The following INTS1 variants were observed in gnomAD, a reference collection of about 807,000 sequenced individuals.
INTS1 encodes the protein integrator complex subunit 1.
INTS1 carries 137 observed loss-of-function variants against 241.6 expected under a neutral mutation model. The ratio of observed to expected loss-of-function variants is 0.57; its 90% CI spans 0.49 to 0.65. INTS1 has a LOEUF of 0.65. Among genes scored for constraint, INTS1 ranks in the 30% least tolerant of loss-of-function variants. INTS1 has a pLI of 0.00. For missense variants in INTS1, 3,073 were observed against 3,032.2 expected, an observed-to-expected ratio of 1.01 and a Z score of -0.32; for synonymous variants, 1,692 against 1,337.8, an observed-to-expected ratio of 1.26 and a Z score of -5.78.
intron 26 of INTS1, 128 bp from the exon 27 acceptor site, chr7:1,482,835 C>T: frequency 1.8e-6 from 2 of 1,123,542 alleles, no homozygotes; most frequent in South Asian, 3.0e-5. Context: ...GAGCACGGGG[C>T]TCCTGTGCTA....
At chr7:1,479,717 C>T (rs1036660202) in intron 30 of INTS1, 33 bp from the exon 31 acceptor site, 30 of 1,444,824 alleles carry the variant, frequency 2.1e-5, no homozygotes, top group African/African-American at 5.8e-5. Context: ...CAGGAGGAAG[C>T]GGAGGAGAAG....
chr7:1,492,151 G>T (rs1462779846), intron 16 of INTS1, among the ~76,000 whole-genome samples: 1 of 152,180 alleles, frequency 6.6e-6, no homozygotes, highest in Non-Finnish European at 1.5e-5. Context: ...GAGAACCGAA[G>T]ACACGGCCAC....
At chr7:1,502,152 T>C (rs1185465311) in intron 3 of INTS1, among the ~76,000 whole-genome samples, 1 of 152,122 alleles carries the variant, frequency 6.6e-6, no homozygotes, top group Non-Finnish European at 1.5e-5. Context: ...GACACCTCAC[T>C]ACCAAAGTCA....
chr7:1,497,749 G>A lies in INTS1; in HGVS notation c.1426-435C>T, dbSNP rs927354125. Among the ~76,000 whole-genome samples, 5 of 152,248 alleles carry A rather than the reference G, an allele frequency of 3.3e-5. No homozygotes were observed. The highest frequency in any genetic ancestry group is 1.2e-4 in the African/African-American group (5 of 41,468). Reference sequence around the variant, plus strand: ...GCGAAGACTGAACGCGGAGCTGAGAGCGGCTGTGCCTCCCTCGTGTTTCAC... The same window carrying A: ...GCGAAGACTGAACGCGGAGCTGAGAACGGCTGTGCCTCCCTCGTGTTTCAC... On this transcript the variant is annotated intron_variant, in intron 10 of 47. Transcript: ENST00000404767. The surrounding 1 kb of genome is among the most constrained non-coding windows in gnomAD (Gnocchi z 5.3).
chr7:1,479,807 C>T (rs984131205), intron 30 of INTS1, 123 bp from the exon 31 acceptor site: 41 of 1,105,128 alleles, frequency 3.7e-5, no homozygotes, highest in African/African-American at 1.1e-4. Context: ...CCTGTTCATT[C>T]GTAGCCCCCA....
chr7:1,478,100 G>A (rs1352891467), intron 33 of INTS1, among the ~76,000 whole-genome samples, 164 bp from the exon 34 acceptor site: 1 of 148,126 alleles, frequency 6.8e-6, no homozygotes, highest in Admixed American at 6.8e-5. Flanking sequence ...CCGGAGAGGA[G>A]AGTGCGGCCG....
intron 35 of INTS1, among the ~76,000 whole-genome samples, chr7:1,477,228 C>G (rs534380087): frequency 2.0e-5 from 3 of 152,348 alleles, no homozygotes; most frequent in East Asian, 3.9e-4. Flanking sequence ...TGGCCACAGC[C>G]CCATTCCCTT....
intron 35 of INTS1, among the ~76,000 whole-genome samples, chr7:1,477,254 C>T (rs1420115021): frequency 6.6e-6 from 1 of 152,208 alleles, no homozygotes; most frequent in Non-Finnish European, 1.5e-5. Flanking sequence ...AGATGGAGGC[C>T]CCTACATGAT....
intron 2 of INTS1, 44 bp downstream of exon 2, chr7:1,503,859 A>ACCCCCAAAGACCCCCAAAGT: frequency 7.3e-7 from 1 of 1,367,492 alleles, no homozygotes; most frequent in African/African-American, 1.5e-5. Context: ...ACCCCCAAAG[A>ACCCCCAAAGACCCCCAAAGT]CCCCCAAAGA....
intron 3 of INTS1, 22 bp from the exon 4 acceptor site, chr7:1,500,388 G>A (rs1783111354): frequency 2.6e-6 from 4 of 1,533,830 alleles, no homozygotes; most frequent in Non-Finnish European, 3.5e-6. Flanking sequence ...AGGCGGTACG[G>A]TCAGAACGGG....
chr7:1,504,124 C>T (rs1783346706), intron 1 of INTS1, 123 bp from the exon 2 acceptor site: 3 of 579,698 alleles, frequency 5.2e-6, no homozygotes, highest in Non-Finnish European at 5.9e-6. Context: ...GCCCGCCCGG[C>T]GGGGCGATGC....
At position 1,493,921 on chromosome 7, in the gene INTS1, G is replaced by C. The variant is rs535790665; in HGVS notation, c.1911-10C>G. On this transcript the variant is annotated splice_polypyrimidine_tract_variant and intron_variant, in intron 14 of 47. Transcript: ENST00000404767. The surrounding 1 kb of genome is among the most constrained non-coding windows in gnomAD (Gnocchi z 5.3). ...CAGACGCAGGAAGAAGCTGCGGGGT[G>C]GGGGAGGCATGACTCGGTGTGGGCT... The C allele has an allele frequency of 2.6e-6, 4 of 1,552,570 alleles. No individual in the cohort carries two copies. The highest frequency in any genetic ancestry group is 2.6e-6 in the Non-Finnish European group (3 of 1,147,578).
chr7:1,491,321 G>A (rs971704189), intron 16 of INTS1, among the ~76,000 whole-genome samples: 1 of 152,224 alleles, frequency 6.6e-6, no homozygotes, highest in African/African-American at 2.4e-5. Flanking sequence ...CTTCCGACAC[G>A]AAGCCAAGAG....
chr7:1,483,177 A>G, intron 26 of INTS1: 1 of 212,904 alleles, frequency 4.7e-6, no homozygotes, highest in Non-Finnish European at 9.6e-6. Context: ...CCCCAGCATG[A>G]GGGTTCCGCC....
At chr7:1,487,509 C>A in intron 19 of INTS1, 60 bp from the exon 20 acceptor site, 1 of 1,556,044 alleles carries the variant, frequency 6.4e-7, no homozygotes, top group South Asian at 1.2e-5. Context: ...CCCCAGAACC[C>A]CTCCTCCTCC....
chr7:1,478,612 G>A (rs1781848667), intron 32 of INTS1, 106 bp from the exon 33 acceptor site: 5 of 1,496,496 alleles, frequency 3.3e-6, no homozygotes, highest in East Asian at 4.9e-5. Context: ...GCCCACGCGG[G>A]TACCCACCCC....
In INTS1 at chr7:1,479,624, C is replaced by T. The variant is rs552421477; in HGVS notation, c.4135G>A (p.Ala1379Thr). 8.8e-5 allele frequency: 134 copies of T among 1,522,886 alleles called. No homozygotes were observed. In the South Asian group the frequency reaches 8.9e-4, roughly 10 times the overall value. The allele number at this position is 1,522,886 out of a possible 1,614,324, so 94.3% of individuals were successfully genotyped here. Reference sequence around the variant, plus strand: ...TCCTGGCCCAGGGCCTGCTGCAGGGCGAGGGCCACGGGGCGGGGACTGGAG... The same window carrying T: ...TCCTGGCCCAGGGCCTGCTGCAGGGTGAGGGCCACGGGGCGGGGACTGGAG... Reference protein sequence around the residue: ...QSSSPRPVALALQQALGQELA... With the variant: ...QSSSPRPVALTLQQALGQELA... Residue 1379 changes from alanine (A) to threonine (T), a missense_variant, in exon 31 of 48, where the codon GCC (alanine) becomes ACC (threonine). Transcript: ENST00000404767.
intron 27 of INTS1, 40 bp downstream of exon 27, chr7:1,482,506 T>A: frequency 6.4e-7 from 1 of 1,559,986 alleles, no homozygotes; most frequent in Non-Finnish European, 8.7e-7. Flanking sequence ...CCGGGACCCC[T>A]GAGTCAGCAG....
Position 1,493,720 on chromosome 7 carries a change from C to G in INTS1, c.2068+34G>C. 1.9e-6 allele frequency: 3 copies of G among 1,550,122 alleles called. No homozygotes were observed. The highest frequency in any genetic ancestry group is 1.7e-6 in the Non-Finnish European group (2 of 1,147,446). On this transcript the variant is annotated intron_variant, in intron 15 of 47. Coordinates refer to ENST00000404767, the MANE Select transcript of INTS1 (RefSeq NM_001080453.3). The surrounding 1 kb of genome is among the most constrained non-coding windows in gnomAD (Gnocchi z 5.3). The stretch of plus-strand genomic sequence containing the variant: ...TTCTGCAGGGACGAGGGGAGCAGAC[C>G]CAGCACAGGCGCCATCCCCTGCAGA...
Sources: allele counts gnomAD v4.1 joint callset (sites outside exome capture counted in the v4.1 genomes callset), GRCh38; gene constraint gnomAD v4.1.1; non-coding constraint Gnocchi (gnomAD v3.1); transcripts MANE v1.5; gene names NCBI Gene and HGNC (gene_info 2026-07-23, HGNC 2026-07-21).